The following RBFOX1 variants were observed in gnomAD, a reference collection of about 807,000 sequenced individuals.
The protein encoded by RBFOX1 is RNA binding fox-1 homolog 1.
Under a neutral mutation model 57.7 loss-of-function variants are expected in RBFOX1, and 8 were observed. That is an observed-to-expected ratio of 0.14 (90% CI 0.08 to 0.25). RBFOX1 has a LOEUF of 0.25. RBFOX1 is among the 10% of genes least tolerant of loss of function. The pLI, the probability that RBFOX1 is intolerant of heterozygous loss-of-function variation, is 1.00. For synonymous variants in RBFOX1, 326 were observed against 222.4 expected, an observed-to-expected ratio of 1.47 and a Z score of -4.15; for missense variants, 611 against 548.5, an observed-to-expected ratio of 1.11 and a Z score of -1.14.
chr16:7,421,574 C>T (rs1201814266), intron 4 of RBFOX1, among the ~76,000 whole-genome samples: 1 of 152,186 alleles, frequency 6.6e-6, no homozygotes, highest in African/African-American at 2.4e-5. Flanking sequence ...ACCTAACCTA[C>T]AGTTTGAGGA....
chr16:7,097,486 G>C (rs1414703328), intron 4 of RBFOX1, among the ~76,000 whole-genome samples: 3 of 152,146 alleles, frequency 2.0e-5, no homozygotes, highest in Non-Finnish European at 2.9e-5. Context: ...AAGAGAGTGA[G>C]TGGAGTTTTC....
At chr16:5,536,316 C>T (rs1188921633) in intron 2 of RBFOX1, among the ~76,000 whole-genome samples, 1 of 150,102 alleles carries the variant, frequency 6.7e-6, no homozygotes, top group Non-Finnish European at 1.5e-5. Context: ...CTCAGCACAG[C>T]CTCCTCCTGC....
At chr16:6,817,755 T>G (rs1402388726) in intron 3 of RBFOX1, among the ~76,000 whole-genome samples, 1 of 151,966 alleles carries the variant, frequency 6.6e-6, no homozygotes, top group Non-Finnish European at 1.5e-5. Context: ...ATGAAGGTTG[T>G]GTGTGTTAAG....
intron 2 of RBFOX1, among the ~76,000 whole-genome samples, chr16:6,615,123 G>A (rs1482071261): frequency 6.6e-6 from 1 of 152,148 alleles, no homozygotes; most frequent in African/African-American, 2.4e-5. Flanking sequence ...CAAACTCATT[G>A]TATAAAATAC....
At chr16:7,626,098 G>C (rs970372527) in intron 10 of RBFOX1, among the ~76,000 whole-genome samples, 1 of 152,234 alleles carries the variant, frequency 6.6e-6, no homozygotes, top group Non-Finnish European at 1.5e-5. Context: ...GAGTTACCTA[G>C]AGCAAGGAAA....
chr16:7,028,888 C>T (rs2041817246), intron 3 of RBFOX1, among the ~76,000 whole-genome samples: 1 of 150,820 alleles, frequency 6.6e-6, no homozygotes, highest in African/African-American at 2.4e-5. Flanking sequence ...CAAGCTCTGC[C>T]ACTCAGCTAT....
Position 6,317,011 on chromosome 16 carries a change from C to A in RBFOX1, c.-110C>A, listed in dbSNP as rs1322479643. The A allele has an allele frequency of 6.5e-7, 1 of 1,535,518 alleles. No homozygotes were observed. The highest frequency in any genetic ancestry group is 2.4e-5 in the East Asian group (1 of 40,898). ...CTTCTTTAGGAAACTGGTCAAAGAA[C>A]TCATGCAAGTGGAACTTACAGCTTC... is the stretch of plus-strand genomic sequence containing the variant. On this transcript the variant is annotated 5_prime_UTR_variant, in exon 2 of 16. Coordinates refer to ENST00000550418, the MANE Select transcript of RBFOX1 (RefSeq NM_018723.4).
At chr16:6,603,430 C>A (rs1245120827) in intron 2 of RBFOX1, among the ~76,000 whole-genome samples, 1 of 152,180 alleles carries the variant, frequency 6.6e-6, no homozygotes, top group East Asian at 1.9e-4. Context: ...AAACAAAAAT[C>A]TTTTTGTGTT....
At chr16:6,846,098 T>C (rs1195227256) in intron 3 of RBFOX1, among the ~76,000 whole-genome samples, 1 of 152,108 alleles carries the variant, frequency 6.6e-6, no homozygotes, top group African/African-American at 2.4e-5. Flanking sequence ...ACCACTAAAA[T>C]ATAGGTATAG....
chr16:5,824,829 C>T (rs533377179), intron 3 of RBFOX1, among the ~76,000 whole-genome samples: 3 of 152,298 alleles, frequency 2.0e-5, no homozygotes, highest in East Asian at 1.9e-4. Context: ...CTGAGGCCTA[C>T]TTCCCATCCC....
chr16:5,363,031 C>CTTTT (rs35426149), intron 1 of RBFOX1, among the ~76,000 whole-genome samples: 11 of 95,402 alleles, frequency 1.2e-4, no homozygotes, highest in African/African-American at 2.8e-4. Context: ...GATTTTAATT[C>CTTTT]TTTTTTTTTT....
chr16:6,912,970 C>G (rs751988321), intron 3 of RBFOX1, among the ~76,000 whole-genome samples: 7 of 152,054 alleles, frequency 4.6e-5, no homozygotes, highest in Admixed American at 6.6e-5. Context: ...TATCTCACCT[C>G]ATCTGGCTGT....
chr16:7,229,450 C>G (rs1409540778), intron 4 of RBFOX1, among the ~76,000 whole-genome samples: 4 of 151,108 alleles, frequency 2.6e-5, no homozygotes, highest in South Asian at 4.2e-4. Context: ...AGATGATGTC[C>G]TTATTCAGAA....
At chr16:6,077,627 A>C (rs1287872310) in intron 1 of RBFOX1, among the ~76,000 whole-genome samples, 1 of 152,146 alleles carries the variant, frequency 6.6e-6, no homozygotes, top group Non-Finnish European at 1.5e-5. Flanking sequence ...TCGGTAGGTC[A>C]AAAAGTGCCC....
At chr16:7,632,128 C>G (rs1348357433) in intron 11 of RBFOX1, among the ~76,000 whole-genome samples, 1 of 152,142 alleles carries the variant, frequency 6.6e-6, no homozygotes, top group African/African-American at 2.4e-5. Flanking sequence ...AGGCTGGTCT[C>G]AAAGTCCTGA....
chr16:6,353,201 T>A (rs1480416199), intron 2 of RBFOX1, among the ~76,000 whole-genome samples: 2 of 152,158 alleles, frequency 1.3e-5, no homozygotes, highest in Non-Finnish European at 2.9e-5. Context: ...TCCTCTACCA[T>A]TGAAGGACAA....
chr16:6,575,949 T>C (rs1376800652), intron 2 of RBFOX1, among the ~76,000 whole-genome samples: 1 of 152,048 alleles, frequency 6.6e-6, no homozygotes, highest in Non-Finnish European at 1.5e-5. Context: ...TAATCAGTGA[T>C]GGTGGTGGTA....
rs942854444 is a variant in RBFOX1 at position 5,261,696 on chromosome 16, C to T, written c.219+21591C>T. On this transcript the variant is annotated intron_variant, in intron 1 of 2. Coordinates refer to the RBFOX1 transcript ENST00000585867. ...TCCTGAGTAGCTGGGACTACAGGCG[C>T]CTGCCACCATGCCTGGCTAATTTTT... 2.0e-5 allele frequency among the ~76,000 whole-genome samples: 3 copies of T among 152,016 alleles called. No homozygotes were observed. In the South Asian group the frequency reaches 6.2e-4, roughly 32 times the overall value.
chr16:6,766,859 C>G (rs1419670545), intron 3 of RBFOX1, among the ~76,000 whole-genome samples: 1 of 151,946 alleles, frequency 6.6e-6, no homozygotes, highest in African/African-American at 2.4e-5. Context: ...GAAGCATGTT[C>G]TAAGCTGATG....
Sources: allele counts gnomAD v4.1 joint callset (sites outside exome capture counted in the v4.1 genomes callset), GRCh38; gene constraint gnomAD v4.1.1; transcripts MANE v1.5; gene names NCBI Gene and HGNC (gene_info 2026-07-23, HGNC 2026-07-21).